The following TSHZ2 variants were observed in gnomAD, a reference collection of about 807,000 sequenced individuals.
TSHZ2 encodes the protein teashirt zinc finger homeobox 2.
In TSHZ2, 21 loss-of-function variants were observed where a neutral mutation model predicts 74.4. The observed-to-expected ratio is 0.28, with a 90% CI of 0.20 to 0.41. The LOEUF (loss-of-function observed/expected upper bound fraction) is 0.41. TSHZ2 is among the 10% of genes least tolerant of loss of function. TSHZ2 has a pLI of 1.00. For missense variants in TSHZ2, 1,244 were observed against 1,293.5 expected, an observed-to-expected ratio of 0.96 and a Z score of 0.59; for synonymous variants, 540 against 515.3, an observed-to-expected ratio of 1.05 and a Z score of -0.65.
At chr20:53,226,842 G>A (rs1433680169) in intron 1 of TSHZ2, among the ~76,000 whole-genome samples, 3 of 152,010 alleles carry the variant, frequency 2.0e-5, no homozygotes, top group African/African-American at 7.3e-5. Flanking sequence ...TGTGCCCTGG[G>A]AGGCAAAATC....
At chr20:52,977,041 A>G (rs559499139) in intron 1 of TSHZ2, among the ~76,000 whole-genome samples, 2 of 152,314 alleles carry the variant, frequency 1.3e-5, no homozygotes, top group East Asian at 3.9e-4. Context: ...TTTGCACCTT[A>G]ATAACACAGG....
intron 1 of TSHZ2, among the ~76,000 whole-genome samples, chr20:53,168,087 G>A (rs1988103928): frequency 6.6e-6 from 1 of 152,156 alleles, no homozygotes; most frequent in South Asian, 2.1e-4. Flanking sequence ...TGGCATCATG[G>A]GTGTGTGATT....
At chr20:53,449,154 TTAG>T (rs1984673337) in intron 2 of TSHZ2, among the ~76,000 whole-genome samples, 1 of 152,136 alleles carries the variant, frequency 6.6e-6, no homozygotes, top group Admixed American at 6.5e-5. Context: ...CCTTTTAATA[TTAG>T]TAACCACTCT....
At chr20:53,330,628 C>T (rs1046900227) in intron 2 of TSHZ2, among the ~76,000 whole-genome samples, 1 of 152,152 alleles carries the variant, frequency 6.6e-6, no homozygotes, top group African/African-American at 2.4e-5. Flanking sequence ...TTCTCCTAAA[C>T]TTATAATCCT....
At chr20:53,352,320 CCAA>C (rs1299299483) in intron 2 of TSHZ2, among the ~76,000 whole-genome samples, 6 of 143,826 alleles carry the variant, frequency 4.2e-5, no homozygotes, top group Non-Finnish European at 7.5e-5. Context: ...TCCTTTATCA[CCAA>C]CATCATTCTC....
At position 53,372,512 on chromosome 20, in the gene TSHZ2, G is replaced by A. The variant is rs562731216; in HGVS notation, c.*9-114632G>A. On this transcript the variant is annotated intron_variant, in intron 2 of 2. Coordinates refer to ENST00000371497, the MANE Select transcript of TSHZ2 (RefSeq NM_173485.6). Reference sequence around the variant, plus strand: ...AGAAGGAAGAAAGGAAGGAAGGAAAGAAGGAAGGAAGGGAGGGAGGAAGGG... The same window carrying A: ...AGAAGGAAGAAAGGAAGGAAGGAAAAAAGGAAGGAAGGGAGGGAGGAAGGG... Among the ~76,000 whole-genome samples the A allele has an allele frequency of 9.2e-5, 14 of 151,908 alleles. No homozygotes were observed. The South Asian group carries it at 1.0e-3, about 11-fold the overall frequency.
intron 1 of TSHZ2, among the ~76,000 whole-genome samples, chr20:53,144,909 CT>C (rs764702960): frequency 6.6e-6 from 1 of 151,800 alleles, no homozygotes; most frequent in Admixed American, 6.6e-5. Flanking sequence ...TTTTTTAAAA[CT>C]TTCTCTTCAA....
rs938035036 is a variant in TSHZ2, at chr20:53,052,354, G to A, written c.40+79021G>A. Among the ~76,000 whole-genome samples, 4 of 152,308 alleles carry A rather than the reference G, an allele frequency of 2.6e-5. No individual in the cohort carries two copies. In the East Asian group the frequency reaches 7.7e-4, roughly 29 times the overall value. On this transcript the variant is annotated intron_variant, in intron 1 of 2. Coordinates refer to ENST00000371497, the MANE Select transcript of TSHZ2 (RefSeq NM_173485.6). ...GCTCCACAGCAGGAAGTGAGTGGAG[G>A]ACCAGCAAGTGCGGCATTAGATTCT...
At position 53,095,679 on chromosome 20, in the gene TSHZ2, C is replaced by T. The variant is rs1008983323; in HGVS notation, c.40+122346C>T. On this transcript the variant is annotated intron_variant, in intron 1 of 2. Coordinates refer to ENST00000371497, the MANE Select transcript of TSHZ2 (RefSeq NM_173485.6). ...TGACATTTAGGGCCAGATAATTCTTCGTTATGGGGCTGTCTCGTGAACTGT... is the reference window on the plus strand; with the variant it reads ...TGACATTTAGGGCCAGATAATTCTTTGTTATGGGGCTGTCTCGTGAACTGT... 3.3e-5 allele frequency among the ~76,000 whole-genome samples: 5 copies of T among 152,134 alleles called. No homozygotes were observed. In the East Asian group the frequency reaches 7.7e-4, roughly 23 times the overall value.
chr20:53,338,717 T>C (rs534376833), intron 2 of TSHZ2, among the ~76,000 whole-genome samples: 23 of 151,182 alleles, frequency 1.5e-4, no homozygotes, highest in African/African-American at 5.2e-4. Flanking sequence ...TACTCAGCTC[T>C]AAATGTCAGG....
At chr20:53,210,340 G>A (rs1354841090) in intron 1 of TSHZ2, among the ~76,000 whole-genome samples, 2 of 152,162 alleles carry the variant, frequency 1.3e-5, no homozygotes, top group Non-Finnish European at 2.9e-5. Context: ...GGAAAATCGG[G>A]CCACATGTGG....
At chr20:53,049,814 G>A (rs1984360358) in intron 1 of TSHZ2, among the ~76,000 whole-genome samples, 1 of 152,038 alleles carries the variant, frequency 6.6e-6, no homozygotes, top group South Asian at 2.1e-4. Flanking sequence ...CTGGGCAGTG[G>A]CTCACGCCTG....
intron 1 of TSHZ2, among the ~76,000 whole-genome samples, chr20:53,175,286 G>A (rs947762019): frequency 6.1e-4 from 92 of 151,616 alleles, no homozygotes; most frequent in African/African-American, 1.9e-3. Context: ...AATTACAGTC[G>A]CCCACCACCA....
chr20:53,454,600 G>A (rs1352714201), intron 2 of TSHZ2, among the ~76,000 whole-genome samples: 1 of 151,532 alleles, frequency 6.6e-6, no homozygotes, highest in African/African-American at 2.4e-5. Flanking sequence ...AATGTTAAAT[G>A]TGTTAATGTG....
intron 2 of TSHZ2, among the ~76,000 whole-genome samples, chr20:53,412,255 G>T (rs1331212221): frequency 9.2e-5 from 14 of 152,142 alleles, no homozygotes; most frequent in Admixed American, 9.2e-4. Flanking sequence ...CTGCTCCTCT[G>T]GTCTCCTCCC....
At chr20:53,243,971 T>C (rs1404961611) in intron 1 of TSHZ2, among the ~76,000 whole-genome samples, 2 of 152,132 alleles carry the variant, frequency 1.3e-5, no homozygotes, top group African/African-American at 4.8e-5. Flanking sequence ...TCATTATCCA[T>C]TATCTGCATG....
chr20:52,980,540 T>C (rs1185597085), intron 1 of TSHZ2, among the ~76,000 whole-genome samples: 1 of 152,214 alleles, frequency 6.6e-6, no homozygotes, highest in Non-Finnish European at 1.5e-5. Flanking sequence ...AAATCACCCC[T>C]GAGCTTTCTT....
At chr20:53,250,763 A>AT (rs1990307816) in intron 1 of TSHZ2, among the ~76,000 whole-genome samples, 1 of 152,076 alleles carries the variant, frequency 6.6e-6, no homozygotes, top group South Asian at 2.1e-4. Context: ...CTTCTGGGGA[A>AT]TCCATTTAGA....
At chr20:53,470,794 T>A (rs554184414) in intron 2 of TSHZ2, among the ~76,000 whole-genome samples, 41 of 151,214 alleles carry the variant, frequency 2.7e-4, no homozygotes, top group Middle Eastern at 3.4e-3. Context: ...GCCTGGATGA[T>A]AGAGCAAAAA....
Sources: allele counts gnomAD v4.1 joint callset (sites outside exome capture counted in the v4.1 genomes callset), GRCh38; gene constraint gnomAD v4.1.1; transcripts MANE v1.5; gene names NCBI Gene and HGNC (gene_info 2026-07-23, HGNC 2026-07-21).